The following HOMER1 variants were observed in gnomAD, a reference collection of about 807,000 sequenced individuals.
HOMER1 encodes homer scaffold protein 1.
A neutral mutation model predicts 48.9 loss-of-function variants in HOMER1; 3 were observed. The observed-to-expected ratio is 0.06, with a 90% CI of 0.03 to 0.16. HOMER1 has a LOEUF of 0.16. Among genes scored for constraint, HOMER1 ranks in the 10% least tolerant of loss-of-function variants. HOMER1 has a pLI of 1.00. For synonymous variants in HOMER1, 134 were observed against 146.4 expected, an observed-to-expected ratio of 0.92 and a Z score of 0.61; for missense variants, 247 against 411.4, an observed-to-expected ratio of 0.60 and a Z score of 3.46.
intron 1 of HOMER1, among the ~76,000 whole-genome samples, chr5:79,512,209 G>A (rs1752963621): frequency 2.0e-5 from 3 of 152,182 alleles, no homozygotes; most frequent in African/African-American, 7.2e-5. Flanking sequence ...CGTGGTGACC[G>A]CATCAGTAAG....
intron 5 of HOMER1, among the ~76,000 whole-genome samples, chr5:79,431,183 C>T (rs1750414336): frequency 6.6e-6 from 1 of 151,940 alleles, no homozygotes; most frequent in South Asian, 2.1e-4. Context: ...TATTAGCCGG[C>T]ATAGTGGTGT....
At chr5:79,395,666 G>A (rs1044305310) in intron 8 of HOMER1, among the ~76,000 whole-genome samples, 21 of 152,228 alleles carry the variant, frequency 1.4e-4, no homozygotes, top group South Asian at 1.0e-3. Flanking sequence ...TTATGAAGGG[G>A]TTTAAAGCCC....
intron 5 of HOMER1, among the ~76,000 whole-genome samples, chr5:79,437,471 TAG>T (rs1480498820): frequency 1.3e-5 from 2 of 152,238 alleles, no homozygotes; most frequent in Non-Finnish European, 2.9e-5. Context: ...ATTATTCAGA[TAG>T]AAACAACTAA....
chr5:79,384,766 G>T (rs986895441), intron 8 of HOMER1, among the ~76,000 whole-genome samples: 2 of 151,996 alleles, frequency 1.3e-5, no homozygotes, highest in Non-Finnish European at 2.9e-5. Context: ...CCAGCCAACT[G>T]AATTCAACAG....
chr5:79,412,578 C>T (rs1749838978), intron 5 of HOMER1, among the ~76,000 whole-genome samples: 1 of 152,198 alleles, frequency 6.6e-6, no homozygotes, highest in Non-Finnish European at 1.5e-5. Context: ...GACTTGAAAA[C>T]TGAACTGGTA....
Position 79,372,963 on chromosome 5 carries a change from T to C in HOMER1, c.*3046A>G, listed in dbSNP as rs1363228117. On this transcript the variant is annotated 3_prime_UTR_variant, in exon 9 of 9. Transcript: ENST00000334082. ...TTCAATGACAGCAGAACATCAAATCTATGATGGTGCTGGAGATCTTCTATA... is the reference window on the plus strand; with the variant it reads ...TTCAATGACAGCAGAACATCAAATCCATGATGGTGCTGGAGATCTTCTATA... 6.6e-6 allele frequency: 1 copy of C among 152,128 alleles called. No individual in the cohort carries two copies. Among genetic ancestry groups the C allele is most frequent in the African/African-American group, 2.4e-5 (1 of 41,440 alleles). 9.4% of individuals were successfully genotyped at this position (152,128 alleles called of 1,614,324 possible). A position where few individuals can be genotyped will look rare whatever the true frequency, so the allele number is the denominator to read the frequency against.
At chr5:79,510,736 A>G in intron 1 of HOMER1, 1 of 774,214 alleles carries the variant, frequency 1.3e-6, no homozygotes, top group East Asian at 2.4e-5. Context: ...TGTCCACCCC[A>G]AGCTTGGGAA....
chr5:79,435,581 T>A (rs532160119), intron 5 of HOMER1, among the ~76,000 whole-genome samples: 2 of 152,352 alleles, frequency 1.3e-5, no homozygotes, highest in South Asian at 4.1e-4. Context: ...TAAGATTTTA[T>A]AGCACTTTGG....
intron 5 of HOMER1, among the ~76,000 whole-genome samples, chr5:79,413,561 G>T (rs1749863430): frequency 6.6e-6 from 1 of 151,882 alleles, no homozygotes; most frequent in Admixed American, 6.6e-5. Context: ...ATGCCCAACA[G>T]GTAAATTTTC....
chr5:79,453,301 A>C (rs1487096166), intron 2 of HOMER1, among the ~76,000 whole-genome samples: 1 of 152,170 alleles, frequency 6.6e-6, no homozygotes, highest in Non-Finnish European at 1.5e-5. Context: ...GACCCTAATA[A>C]CTCAAAAGTG....
At chr5:79,411,925 C>T (rs1448308021) in intron 5 of HOMER1, among the ~76,000 whole-genome samples, 1 of 152,108 alleles carries the variant, frequency 6.6e-6, no homozygotes, top group Non-Finnish European at 1.5e-5. Context: ...TCAAGACCAG[C>T]CTGGCCAACA....
chr5:79,436,352 C>A (rs938099587), intron 5 of HOMER1, among the ~76,000 whole-genome samples: 31 of 152,096 alleles, frequency 2.0e-4, no homozygotes, highest in African/African-American at 7.0e-4. Context: ...AACTTCCTGA[C>A]ACAACAATGT....
chr5:79,449,791 T>C (rs1396229923), intron 3 of HOMER1, among the ~76,000 whole-genome samples: 1 of 152,188 alleles, frequency 6.6e-6, no homozygotes, highest in African/African-American at 2.4e-5. Context: ...TTTGTTTTAA[T>C]CATCCTACAG....
chr5:79,390,994 A>G (rs1749233775), intron 8 of HOMER1, among the ~76,000 whole-genome samples: 1 of 152,124 alleles, frequency 6.6e-6, no homozygotes, highest in African/African-American at 2.4e-5. Flanking sequence ...GAAAGAATGA[A>G]AAAAAGGAAT....
intron 1 of HOMER1, among the ~76,000 whole-genome samples, chr5:79,485,040 A>G (rs1000645883): frequency 3.3e-5 from 5 of 152,124 alleles, no homozygotes; most frequent in Non-Finnish European, 7.4e-5. Flanking sequence ...GGGGCTGAGA[A>G]ACCTGATAAC....
At chr5:79,474,534 T>A (rs983156027) in intron 1 of HOMER1, among the ~76,000 whole-genome samples, 2 of 152,148 alleles carry the variant, frequency 1.3e-5, no homozygotes, top group African/African-American at 4.8e-5. Flanking sequence ...CTCAGTATCT[T>A]AATGACAGTG....
intron 8 of HOMER1, among the ~76,000 whole-genome samples, chr5:79,391,261 C>T (rs1749243458): frequency 6.6e-6 from 1 of 151,606 alleles, no homozygotes; most frequent in Admixed American, 6.6e-5. Flanking sequence ...CCTCAGCCTC[C>T]CATGTAGCTG....
At chr5:79,492,091 G>C (rs73124193) in intron 1 of HOMER1, among the ~76,000 whole-genome samples, 4,927 of 152,222 alleles carry the variant, frequency 0.032, 272 homozygotes, top group African/African-American at 0.11. Flanking sequence ...TCCTCTAAAG[G>C]ATCCAGTCCA....
intron 1 of HOMER1, among the ~76,000 whole-genome samples, chr5:79,467,170 G>A (rs1356250249): frequency 2.0e-5 from 3 of 151,888 alleles, no homozygotes; most frequent in Non-Finnish European, 4.4e-5. Flanking sequence ...AAGCTAAGGC[G>A]GGCGGATCAC....
Sources: gnomAD v4.1 joint callset for allele counts (sites outside exome capture counted in the v4.1 genomes callset) on GRCh38, gnomAD v4.1.1 for gene constraint, MANE v1.5 for transcripts, NCBI Gene and HGNC (gene_info 2026-07-23, HGNC 2026-07-21) for gene names.